The following SLC6A5 variants were observed in gnomAD, a reference collection of about 807,000 sequenced individuals.
SLC6A5 encodes solute carrier family 6 member 5.
Under a neutral mutation model 90.5 loss-of-function variants are expected in SLC6A5, and 58 were observed. The observed-to-expected ratio is 0.64, with a 90% confidence interval of 0.52 to 0.80. The LOEUF (loss-of-function observed/expected upper bound fraction) is 0.80. Ranked by LOEUF, SLC6A5 falls within the 30% of genes least tolerant of loss-of-function variation. The pLI is 0.00. For missense variants in SLC6A5, 1,015 were observed against 1,017.6 expected, an observed-to-expected ratio of 1.00 and a Z score of 0.03; for synonymous variants, 427 against 401.4, an observed-to-expected ratio of 1.06 and a Z score of -0.76.
Position 20,646,839 on chromosome 11 carries a change from C to A in SLC6A5, c.1975C>A (p.Gln659Lys). 1.9e-6 allele frequency: 3 copies of A among 1,611,308 alleles called. No homozygotes were observed. The highest frequency in any genetic ancestry group is 2.5e-6 in the Non-Finnish European group (3 of 1,177,640). Reference sequence around the variant, plus strand: ...CTCTGCTTGTCTATTTGCAGGCTTGCAAAGATTCTGTGAAGATATAGAGAT... The same window carrying A: ...CTCTGCTTGTCTATTTGCAGGCTTGAAAAGATTCTGTGAAGATATAGAGAT... ...LVGISYVYGLQRFCEDIEMMI... is the reference protein window; with the variant it reads ...LVGISYVYGLKRFCEDIEMMI... Residue 659 changes from glutamine (Q) to lysine (K), a missense_variant, in exon 14 of 16, where the codon CAA becomes AAA. By Grantham distance (53) the Gln-to-Lys change is moderately conservative. This residue lies in a region of SLC6A5 where 442 missense variants were observed against 494.3 expected (regional missense o/e 0.89). Coordinates refer to ENST00000525748, the MANE Select transcript of SLC6A5 (RefSeq NM_004211.5).
At chr11:20,600,568 T>C (rs1056495230) in intron 1 of SLC6A5, among the ~76,000 whole-genome samples, 4 of 152,230 alleles carry the variant, frequency 2.6e-5, no homozygotes, top group African/African-American at 9.6e-5. Flanking sequence ...ATTTTGATCG[T>C]GATTCTTAAC....
chr11:20,638,867 A>C (rs755004314), intron 13 of SLC6A5, among the ~76,000 whole-genome samples: 2 of 152,194 alleles, frequency 1.3e-5, no homozygotes, highest in African/African-American at 2.4e-5. Context: ...CAATGGCCAG[A>C]TCAGAAAGGA....
At chr11:20,611,512 G>A (rs1852692271) in intron 5 of SLC6A5, among the ~76,000 whole-genome samples, 1 of 152,168 alleles carries the variant, frequency 6.6e-6, no homozygotes, top group Admixed American at 6.5e-5. Flanking sequence ...ATCAGTGTGA[G>A]AATGCTTTTC....
rs3045455 is a variant in SLC6A5, at chr11:20,659,054, CATATATATATATAT to C, written c.*4201_*4214del. 1.4e-5 allele frequency: 2 copies of C among 143,674 alleles called. No individual in the cohort carries two copies. Among genetic ancestry groups the C allele is most frequent in the East Asian group, 2.0e-4 (1 of 5,000 alleles). 8.9% of individuals were successfully genotyped at this position (143,674 alleles called of 1,614,324 possible). ...ATATATTATGTTACAAATGATGCAT[CATATATATATATAT>C]ATATATATATATATCTTATAGATTA... On this transcript the variant is annotated 3_prime_UTR_variant, in exon 16 of 16. Transcript: ENST00000525748.
At chr11:20,653,610 C>T (rs998014650) in intron 15 of SLC6A5, among the ~76,000 whole-genome samples, 2 of 152,150 alleles carry the variant, frequency 1.3e-5, no homozygotes, top group South Asian at 2.1e-4. Flanking sequence ...ATTGGACTAA[C>T]GGTAGAGACA....
intron 10 of SLC6A5, among the ~76,000 whole-genome samples, chr11:20,635,115 C>T (rs1196787997): frequency 6.6e-6 from 1 of 152,056 alleles, no homozygotes; most frequent in Non-Finnish European, 1.5e-5. Context: ...CCGCTAACTT[C>T]CAAGTTCATA....
rs200294554 is a variant in SLC6A5, at chr11:20,617,937, G to T, written c.1260+53G>T. Reference sequence around the variant, plus strand: ...AGCTGTGAGACACCCAGGGGCGGTTGCTTTGGGGAGCAGGCAGAGCACTGG... The same window carrying T: ...AGCTGTGAGACACCCAGGGGCGGTTTCTTTGGGGAGCAGGCAGAGCACTGG... On this transcript the variant is annotated intron_variant, in intron 7 of 15. Transcript: ENST00000525748. 7.6e-4 allele frequency: 1,201 copies of T among 1,572,420 alleles called. 12 individuals carry two copies. The South Asian group carries it at 0.013, about 17-fold the overall frequency.
rs1204628866 is a variant in SLC6A5 at position 20,600,395 on chromosome 11, AGAAG to A, written c.3+721_3+724del. Among the ~76,000 whole-genome samples, 40 of 146,850 alleles carry A rather than the reference AGAAG, an allele frequency of 2.7e-4. 1 individual carries two copies. The highest frequency in any genetic ancestry group is 1.0e-3 in the African/African-American group (40 of 39,644). ...AAGAAGAAGAAGAAGAAGAAGAAGA[AGAAG>A]AAGAAGAAGAAGACCTAAACAAAAG... On this transcript the variant is annotated intron_variant, in intron 1 of 15. Transcript: ENST00000525748.
intron 10 of SLC6A5, among the ~76,000 whole-genome samples, chr11:20,635,193 T>C (rs1043558052): frequency 6.6e-6 from 1 of 152,190 alleles, no homozygotes; most frequent in African/African-American, 2.4e-5. Context: ...GCTCAGTGTT[T>C]TACCTGCGTT....
Position 20,653,737 on chromosome 11 carries a change from T to C in SLC6A5, c.2239-976T>C, listed in dbSNP as rs551529483. 2.1e-4 allele frequency among the ~76,000 whole-genome samples: 32 copies of C among 152,356 alleles called. No individual in the cohort carries two copies. In the South Asian group the frequency reaches 6.4e-3, roughly 31 times the overall value. ...GAGGTAAGTGACTGGCCCCATGGGC[T>C]TCCAGAGATGGTTCACTTCTGCCGC... On this transcript the variant is annotated intron_variant, in intron 15 of 15. Coordinates refer to ENST00000525748, the MANE Select transcript of SLC6A5 (RefSeq NM_004211.5).
Sources: gnomAD v4.1 joint callset for allele counts (sites outside exome capture counted in the v4.1 genomes callset) on GRCh38, gnomAD v4.1.1 for gene constraint, gnomAD v4.1.1 regional missense constraint, MANE v1.5 for transcripts, NCBI Gene and HGNC (gene_info 2026-07-23, HGNC 2026-07-21) for gene names.